Variants in ATP2C1 observed in about 807,000 individuals in gnomAD.
The protein encoded by ATP2C1 is calcium-transporting ATPase type 2C member 1.
ATP2C1 carries 31 observed loss-of-function variants against 120.5 expected under a neutral mutation model. That is an observed-to-expected ratio of 0.26 (90% CI 0.19 to 0.35). The LOEUF is 0.35. ATP2C1 is among the 10% of genes least tolerant of loss of function. ATP2C1 has a pLI of 1.00. For missense variants in ATP2C1, 731 were observed against 1,107.5 expected (o/e 0.66, Z 4.83); for synonymous variants, 351 against 358.7 (o/e 0.98, Z 0.24).
chr3:130,910,979 G>A (rs372549605), intron 2 of ATP2C1, among the ~76,000 whole-genome samples: 1 of 146,744 alleles, frequency 6.8e-6, no homozygotes, highest in Non-Finnish European at 1.5e-5. Flanking sequence ...AGTTAGGGAG[G>A]ATTCCCTCTT....
Position 130,894,539 on chromosome 3 carries a change from A to C in ATP2C1, c.-180-51A>C. 7.2e-6 allele frequency: 10 copies of C among 1,383,972 alleles called. No individual in the cohort carries two copies. Among genetic ancestry groups the C allele is most frequent in the Non-Finnish European group, 8.4e-6 (9 of 1,068,792 alleles). The allele number at this position is 1,383,972 out of a possible 1,614,324, so 85.7% of individuals were successfully genotyped here. A position where few individuals can be genotyped will look rare whatever the true frequency, so the allele number is the denominator to read the frequency against. ...TCCCGAGATAGTGGCTGGGCGGGGA[A>C]CTCCTTCCTCAGCCTCTCGTCAGCG... is the stretch of plus-strand genomic sequence containing the variant. On this transcript the variant is annotated intron_variant, in intron 1 of 27. Transcript: ENST00000510168. The surrounding 1 kb of genome is among the most constrained non-coding windows in gnomAD (Gnocchi z 4.5).
At chr3:130,959,221 C>A (rs963916246) in intron 11 of ATP2C1, 54 bp from the exon 12 acceptor site, 10 of 1,332,636 alleles carry the variant, frequency 7.5e-6, no homozygotes, top group Non-Finnish European at 1.1e-5. Flanking sequence ...TTGTTCTGTT[C>A]CTTCTAGGTG....
chr3:130,931,923 G>A lies in ATP2C1; in HGVS notation c.118-99G>A, dbSNP rs997586468. 8 of 806,244 alleles carry A rather than the reference G, an allele frequency of 9.9e-6. No homozygotes were observed. The African/African-American group carries it at 1.2e-4, about 12-fold the overall frequency. 49.9% of individuals were successfully genotyped at this position (806,244 alleles called of 1,614,324 possible). On this transcript the variant is annotated intron_variant, in intron 3 of 27. Coordinates refer to ENST00000510168, the MANE Select transcript of ATP2C1 (RefSeq NM_001378687.1). ...TAATAGACTAGTTTTGACTGTTGTA[G>A]TTTCTGTAAATGTGATAATACATTA...
downstream of ATP2C1, among the ~76,000 whole-genome samples, chr3:131,006,044 C>T (rs2063097219): frequency 6.6e-6 from 1 of 152,156 alleles, no homozygotes; most frequent in Admixed American, 6.5e-5. Context: ...AATAACATTA[C>T]CATTAGAAAA....
At chr3:131,015,989 G>A in intron 26 of ATP2C1, 1 of 910,256 alleles carries the variant, frequency 1.1e-6, no homozygotes, top group Non-Finnish European at 1.7e-6. Context: ...CAGCTCTTCA[G>A]CTGTAACAGT....
In ATP2C1 at chr3:130,955,154, T is replaced by A. The variant is rs544670725; in HGVS notation, c.756+74T>A. 64 of 998,380 alleles carry A rather than the reference T, an allele frequency of 6.4e-5. No individual in the cohort carries two copies. In the South Asian group the frequency reaches 7.9e-4, roughly 12 times the overall value. 61.8% of individuals were successfully genotyped at this position (998,380 alleles called of 1,614,324 possible). Reference sequence around the variant, plus strand: ...TTCATTGTAAGTAGAGAATGTTGGATTATTTTATATACTATTGAGAGCAAT... The same window carrying A: ...TTCATTGTAAGTAGAGAATGTTGGAATATTTTATATACTATTGAGAGCAAT... On this transcript the variant is annotated intron_variant, in intron 10 of 27. Transcript: ENST00000510168.
chr3:130,981,524 C>T (rs573159553), intron 20 of ATP2C1, among the ~76,000 whole-genome samples: 2 of 152,074 alleles, frequency 1.3e-5, no homozygotes, highest in Non-Finnish European at 2.9e-5. Context: ...GCAGTTTGTA[C>T]ACAAATTTAT....
intron 2 of ATP2C1, among the ~76,000 whole-genome samples, chr3:130,915,827 A>G (rs866599810): frequency 7.2e-5 from 11 of 152,338 alleles, no homozygotes; most frequent in Middle Eastern, 6.8e-3. Context: ...CCTCTTCTAC[A>G]TATGCCACTT....
chr3:130,882,966 G>A (rs1466047622), intron 1 of ATP2C1, among the ~76,000 whole-genome samples: 1 of 152,168 alleles, frequency 6.6e-6, no homozygotes, highest in Non-Finnish European at 1.5e-5. Context: ...CAGCAGTGAA[G>A]CCATCAGGTC....
Position 130,967,247 on chromosome 3 carries a change from A to T in ATP2C1, c.1218+7A>T, listed in dbSNP as rs765893908. On this transcript the variant is annotated splice_region_variant and intron_variant, in intron 15 of 27. Coordinates refer to ENST00000510168, the MANE Select transcript of ATP2C1 (RefSeq NM_001378687.1). The stretch of plus-strand genomic sequence containing the variant: ...TGTTAGCAGAATTGTTGAGGTAAAT[A>T]TTTTTTTTTCCAAGATGGTGACTTT... The T allele has an allele frequency of 3.1e-6, 5 of 1,607,078 alleles. No individual in the cohort carries two copies. In the Admixed American group the frequency reaches 8.4e-5, roughly 27 times the overall value.
chr3:130,959,796 A>T (rs1192213974), intron 12 of ATP2C1, among the ~76,000 whole-genome samples: 1 of 152,136 alleles, frequency 6.6e-6, no homozygotes, highest in East Asian at 1.9e-4. Flanking sequence ...TCAGAGAACA[A>T]AAAGAGTTTT....
At chr3:130,956,458 A>G (rs898838355) in intron 11 of ATP2C1, among the ~76,000 whole-genome samples, 1 of 152,038 alleles carries the variant, frequency 6.6e-6, no homozygotes, top group Non-Finnish European at 1.5e-5. Flanking sequence ...CTGCTTTTCT[A>G]TTTTTATTTC....
At chr3:130,871,603 G>A (rs936456604) in intron 1 of ATP2C1, among the ~76,000 whole-genome samples, 38 of 152,362 alleles carry the variant, frequency 2.5e-4, no homozygotes, top group African/African-American at 9.1e-4. Flanking sequence ...CATGTATGCT[G>A]CTTAGAAGAT....
intron 2 of ATP2C1, among the ~76,000 whole-genome samples, chr3:130,921,409 TC>T (rs2058961782): frequency 6.6e-6 from 1 of 152,168 alleles, no homozygotes; most frequent in Admixed American, 6.5e-5. Flanking sequence ...CTACTTCCTT[TC>T]TGATTTGGAT....
intron 2 of ATP2C1, among the ~76,000 whole-genome samples, chr3:130,904,622 C>A (rs1033325969): frequency 6.6e-6 from 1 of 151,906 alleles, no homozygotes; most frequent in South Asian, 2.1e-4. Flanking sequence ...ATACCTTCCT[C>A]TAGTGGGGAG....
At chr3:130,936,887 G>A (rs1038413581) in intron 5 of ATP2C1, among the ~76,000 whole-genome samples, 18 of 149,662 alleles carry the variant, frequency 1.2e-4, no homozygotes, top group Admixed American at 3.3e-4. Flanking sequence ...CTTTTCCACC[G>A]TATCTGTATG....
At chr3:130,926,312 G>C (rs2059202754) in intron 2 of ATP2C1, among the ~76,000 whole-genome samples, 1 of 152,170 alleles carries the variant, frequency 6.6e-6, no homozygotes, top group African/African-American at 2.4e-5. Flanking sequence ...CGAATAATGT[G>C]TATCTACCTA....
chr3:130,890,978 G>A (rs750945022), upstream of ATP2C1, among the ~76,000 whole-genome samples: 9 of 152,152 alleles, frequency 5.9e-5, no homozygotes, highest in Non-Finnish European at 8.8e-5. Context: ...TTGGTAGGCC[G>A]AGGCAAGAGG....
At chr3:130,934,539 A>G (rs1326844178) in intron 4 of ATP2C1, 83 bp from the exon 5 acceptor site, 1 of 880,690 alleles carries the variant, frequency 1.1e-6, no homozygotes, top group East Asian at 2.4e-5. Flanking sequence ...TCATGCTCTT[A>G]TGGTTTTTTT....
Sources: gnomAD v4.1 joint callset for allele counts (sites outside exome capture counted in the v4.1 genomes callset) on GRCh38, gnomAD v4.1.1 for gene constraint, Gnocchi (gnomAD v3.1) non-coding constraint, MANE v1.5 for transcripts, NCBI Gene and HGNC (gene_info 2026-07-23, HGNC 2026-07-21) for gene names.